B3GAT2: variants seen among roughly 807,000 people sequenced by gnomAD.
B3GAT2 encodes beta-1,3-glucuronyltransferase 2, also known as galactosylgalactosylxylosylprotein 3-beta-glucuronosyltransferase 2.
Under a neutral mutation model 27.8 loss-of-function variants are expected in B3GAT2, and 26 were observed. The observed-to-expected ratio is 0.93, with a 90% CI of 0.68 to 1.30. The LOEUF (loss-of-function observed/expected upper bound fraction) is 1.30, where lower values mean the gene tolerates loss of function less well. Ranked by LOEUF, B3GAT2 falls within the 50% of genes most tolerant of loss-of-function variation. The pLI is 0.00. For synonymous variants in B3GAT2, 218 were observed against 195.1 expected, an observed-to-expected ratio of 1.12 and a Z score of -0.98; for missense variants, 458 against 459.0, an observed-to-expected ratio of 1.00 and a Z score of 0.02.
chr6:70,895,495 A>ATTTTTTTTT (rs59066944), intron 1 of B3GAT2, among the ~76,000 whole-genome samples: 4 of 76,614 alleles, frequency 5.2e-5, no homozygotes, highest in Admixed American at 1.8e-4. Context: ...CAAAAAGGGG[A>ATTTTTTTTT]TTTTTTTTTT....
At chr6:70,947,712 T>A (rs1461537102) in intron 1 of B3GAT2, among the ~76,000 whole-genome samples, 2 of 151,352 alleles carry the variant, frequency 1.3e-5, no homozygotes, top group Non-Finnish European at 2.9e-5. Flanking sequence ...AAAGAGGGAA[T>A]CCTCCCTAAC....
chr6:70,928,920 T>C (rs1037108218), intron 1 of B3GAT2, among the ~76,000 whole-genome samples: 2 of 152,210 alleles, frequency 1.3e-5, no homozygotes, highest in African/African-American at 2.4e-5. Flanking sequence ...TGTATGTTTA[T>C]TGAGGCACTA....
At chr6:70,874,127 T>C (rs1771978468) in intron 2 of B3GAT2, among the ~76,000 whole-genome samples, 1 of 152,232 alleles carries the variant, frequency 6.6e-6, no homozygotes, top group Non-Finnish European at 1.5e-5. Flanking sequence ...TTTGCATGTC[T>C]TGTACTCTTT....
At chr6:70,950,164 C>T (rs931903432) in intron 1 of B3GAT2, among the ~76,000 whole-genome samples, 18 of 151,566 alleles carry the variant, frequency 1.2e-4, no homozygotes, top group African/African-American at 4.4e-4. Context: ...TGTAACTAAC[C>T]TGCACATTGT....
At chr6:70,899,788 T>C (rs533853751) in intron 1 of B3GAT2, among the ~76,000 whole-genome samples, 124 of 152,318 alleles carry the variant, frequency 8.1e-4, no homozygotes, top group African/African-American at 2.6e-3. Context: ...TCATTTTCAC[T>C]CAATCTATGC....
chr6:70,859,309 A>G lies in B3GAT2; in HGVS notation c.*2354T>C. ...TGCTAGATGAACCAGGAAGGAGTTA[A>G]TACTGGCTCTTACTTCCAGATAATG... On this transcript the variant is annotated 3_prime_UTR_variant, in exon 4 of 4. Coordinates refer to ENST00000230053, the MANE Select transcript of B3GAT2 (RefSeq NM_080742.3). 1 of 1,536,728 alleles carries G rather than the reference A, an allele frequency of 6.5e-7. No homozygotes were observed. The highest frequency in any genetic ancestry group is 1.2e-5 in the South Asian group (1 of 82,348).
At chr6:70,893,381 T>A (rs1772323719) in intron 2 of B3GAT2, among the ~76,000 whole-genome samples, 1 of 151,546 alleles carries the variant, frequency 6.6e-6, no homozygotes, top group Admixed American at 6.6e-5. Flanking sequence ...TGCCTTCATT[T>A]TTAAGAGTAT....
chr6:70,953,708 CTTATT>C (rs1362020671), intron 1 of B3GAT2, among the ~76,000 whole-genome samples: 5 of 152,108 alleles, frequency 3.3e-5, no homozygotes, highest in African/African-American at 9.7e-5. Flanking sequence ...TGCATATGCT[CTTATT>C]TTATTTTATT....
chr6:70,899,164 A>G (rs1772448201), intron 1 of B3GAT2, among the ~76,000 whole-genome samples: 1 of 152,216 alleles, frequency 6.6e-6, no homozygotes, highest in Non-Finnish European at 1.5e-5. Context: ...AGAAATTGCC[A>G]TTAAAGGGAA....
At chr6:70,949,730 T>C (rs1765548417) in intron 1 of B3GAT2, among the ~76,000 whole-genome samples, 1 of 151,868 alleles carries the variant, frequency 6.6e-6, no homozygotes, top group Non-Finnish European at 1.5e-5. Context: ...CTATAAATCA[T>C]GCTGCTATAA....
intron 2 of B3GAT2, among the ~76,000 whole-genome samples, chr6:70,880,964 C>A (rs1352247595): frequency 6.6e-6 from 1 of 152,180 alleles, no homozygotes; most frequent in Non-Finnish European, 1.5e-5. Context: ...CCACCACAAC[C>A]AGCCCTGTTT....
Position 70,861,939 on chromosome 6 carries a change from T to C in B3GAT2, c.776A>G (p.Lys259Arg). 6.2e-7 allele frequency: 1 copy of C among 1,613,968 alleles called. No individual in the cohort carries two copies. The highest frequency in any genetic ancestry group is 8.5e-7 in the Non-Finnish European group (1 of 1,179,896). Residue 259 changes from lysine to arginine, a missense_variant, in exon 3 of 4, where the codon AAA becomes AGA. Transcript: ENST00000230053. ...GGATCCACGACGCTTAAATACAGCTTTTGGATTGGACAAAATGACTTGAAG... is the reference window on the plus strand; with the variant it reads ...GGATCCACGACGCTTAAATACAGCTCTTGGATTGGACAAAATGACTTGAAG... ...VSLQVILSNP[K>R]AVFKRRGSQP...
At chr6:70,955,490 G>T (rs1457904530) in intron 1 of B3GAT2, among the ~76,000 whole-genome samples, 1 of 144,326 alleles carries the variant, frequency 6.9e-6, no homozygotes, top group African/African-American at 2.5e-5. Flanking sequence ...AGCGCCTGCA[G>T]GTCTAAGCTC....
chr6:70,944,500 C>T (rs915774751), intron 1 of B3GAT2, among the ~76,000 whole-genome samples: 33 of 152,108 alleles, frequency 2.2e-4, no homozygotes, highest in African/African-American at 6.8e-4. Flanking sequence ...GACTGCAAGG[C>T]GGCAGCGAGG....
At chr6:70,937,791 A>G (rs1765317076) in intron 1 of B3GAT2, among the ~76,000 whole-genome samples, 1 of 152,192 alleles carries the variant, frequency 6.6e-6, no homozygotes, top group Non-Finnish European at 1.5e-5. Context: ...CCCACAGCCA[A>G]TATCATACTG....
intron 2 of B3GAT2, among the ~76,000 whole-genome samples, chr6:70,887,958 G>A (rs1772217581): frequency 6.6e-6 from 1 of 152,204 alleles, no homozygotes; most frequent in African/African-American, 2.4e-5. Context: ...GGGCCTGGCA[G>A]GTGCCAGTGA....
intron 1 of B3GAT2, among the ~76,000 whole-genome samples, chr6:70,911,011 T>C (rs190255552): frequency 3.9e-5 from 6 of 152,058 alleles, no homozygotes; most frequent in Non-Finnish European, 7.4e-5. Flanking sequence ...TTAGCTACTT[T>C]AAAAATTTTT....
intron 2 of B3GAT2, among the ~76,000 whole-genome samples, chr6:70,873,031 C>T (rs1287512229): frequency 2.0e-5 from 3 of 151,976 alleles, no homozygotes; most frequent in African/African-American, 7.2e-5. Flanking sequence ...TTTTGTGCTC[C>T]TCAAACCAGA....
At chr6:70,862,451 C>T (rs1205244602) in intron 2 of B3GAT2, among the ~76,000 whole-genome samples, 2 of 152,054 alleles carry the variant, frequency 1.3e-5, no homozygotes, top group African/African-American at 4.8e-5. Context: ...ATTCATTTTG[C>T]ATTTAGAAGA....
Sources: gnomAD v4.1 joint callset for allele counts (sites outside exome capture counted in the v4.1 genomes callset) on GRCh38, gnomAD v4.1.1 for gene constraint, MANE v1.5 for transcripts, NCBI Gene and HGNC (gene_info 2026-07-23, HGNC 2026-07-21) for gene names.